Variants in SUPT7L observed in about 807,000 individuals in gnomAD.
SUPT7L encodes SPT7 like, STAGA complex subunit gamma, also known as STAGA complex 65 subunit gamma.
A neutral mutation model predicts 35.7 loss-of-function variants in SUPT7L; 15 were observed. The observed-to-expected ratio is 0.42, with a 90% confidence interval of 0.28 to 0.65. SUPT7L has a LOEUF of 0.65. Ranked by LOEUF, SUPT7L falls within the 30% of genes least tolerant of loss-of-function variation. The pLI, the probability that SUPT7L is intolerant of heterozygous loss-of-function variation, is 0.23. For synonymous variants in SUPT7L, 168 were observed against 186.2 expected (o/e 0.90, Z 0.79); for missense variants, 434 against 522.2 (o/e 0.83, Z 1.65).
the SUPT7L span, among the ~76,000 whole-genome samples, chr2:27,645,333 A>G: frequency 1.6e-4 from 25 of 152,026 alleles, no homozygotes; most frequent in South Asian, 4.8e-3. Flanking sequence ...TGCCTGTACC[A>G]TGTTGTTTTA....
chr2:27,642,884 A>G, the SUPT7L span, among the ~76,000 whole-genome samples: 1 of 150,914 alleles, frequency 6.6e-6, no homozygotes, highest in Non-Finnish European at 1.5e-5. Context: ...TATTTCTATC[A>G]GCAGGATTCT....
downstream of SUPT7L, among the ~76,000 whole-genome samples, chr2:27,649,678 C>A (rs1054648175): frequency 6.6e-5 from 10 of 152,040 alleles, no homozygotes; most frequent in African/African-American, 2.4e-4. Context: ...TGTAGTCTCT[C>A]CATGTTGTTG....
chr2:27,662,403 A>G, intron 1 of SUPT7L, 122 bp from the exon 2 acceptor site: 1 of 543,178 alleles, frequency 1.8e-6, no homozygotes, highest in Non-Finnish European at 3.3e-6. Flanking sequence ...GGGTGAAATG[A>G]CTACCTTTGT....
At chr2:27,655,135 G>C (rs916422129) in intron 5 of SUPT7L, among the ~76,000 whole-genome samples, 1 of 152,154 alleles carries the variant, frequency 6.6e-6, no homozygotes, top group Non-Finnish European at 1.5e-5. Context: ...ATCTTAACTA[G>C]GGATTATTTT....
rs778865342 is a variant in SUPT7L, at chr2:27,657,582, C to T, written c.507G>A (p.Ala169=). The T allele has an allele frequency of 1.4e-5, 23 of 1,614,224 alleles. No individual in the cohort carries two copies. Among genetic ancestry groups the T allele is most frequent in the South Asian group, 5.5e-5 (5 of 91,088 alleles). The change falls in exon 4 of 6, where the codon GCG becomes GCA. Residue 169 remains alanine, a synonymous_variant. Coordinates refer to ENST00000337768, the MANE Select transcript of SUPT7L (RefSeq NM_014860.3). The surrounding 1 kb of genome is among the most constrained non-coding windows in gnomAD (Gnocchi z 5.2). The stretch of plus-strand genomic sequence containing the variant: ...CACTCTCATTAGCACAGTCAAAGCC[C>T]GCGTGGGCCAGGATTGTGGCCACTG... ...YQAVATILAH[A]GFDCANESVL... is the part of the protein sequence containing the mutation.
chr2:27,663,166 G>C (rs1004414307), intron 1 of SUPT7L, among the ~76,000 whole-genome samples, 163 bp downstream of exon 1: 2 of 152,110 alleles, frequency 1.3e-5, no homozygotes, highest in Non-Finnish European at 2.9e-5. Flanking sequence ...AGTGAGGGCT[G>C]AGGCCTAGTG....
the SUPT7L span, among the ~76,000 whole-genome samples, chr2:27,644,807 C>A: frequency 2.0e-5 from 3 of 147,362 alleles, no homozygotes; most frequent in Non-Finnish European, 3.0e-5. Context: ...TCTCAGCCTG[C>A]CAACTAGTTT....
At chr2:27,649,265 AAAC>A (rs1344834828), downstream of SUPT7L, among the ~76,000 whole-genome samples, 33 of 117,874 alleles carry the variant, frequency 2.8e-4, no homozygotes, top group Admixed American at 7.2e-4. Context: ...ACAAACAAAC[AAAC>A]AAAAAAACAC....
At chr2:27,661,698 T>C in intron 2 of SUPT7L, 1 of 1,110,642 alleles carries the variant, frequency 9.0e-7, no homozygotes, top group Non-Finnish European at 1.2e-6. Context: ...ATTTGGGTCA[T>C]TAGTGGACCA....
Position 27,661,042 on chromosome 2 carries a change from T to C in SUPT7L, c.361A>G (p.Lys121Glu), listed in dbSNP as rs779408618. Residue 121 changes from lysine to glutamate, a missense_variant, in exon 3 of 6, where the codon AAG (lysine) becomes GAG (glutamate). This residue lies in a region of SUPT7L where 198 missense variants were observed against 190.8 expected (regional missense o/e 1.04). Coordinates refer to ENST00000337768, the MANE Select transcript of SUPT7L (RefSeq NM_014860.3). ...LPDDLLPLDC[K>E]NPNAPFQIRH... ...ATCTGGAATGGTGCATTGGGATTCT[T>C]ACAATCTAAAGGCAGGAGGTCATCA... 1 of 1,614,186 alleles carries C rather than the reference T, an allele frequency of 6.2e-7. No individual in the cohort carries two copies. The highest frequency in any genetic ancestry group is 8.5e-7 in the Non-Finnish European group (1 of 1,180,026).
At chr2:27,659,577 A>C (rs1418886705) in intron 3 of SUPT7L, among the ~76,000 whole-genome samples, 1 of 152,234 alleles carries the variant, frequency 6.6e-6, no homozygotes, top group Admixed American at 6.5e-5. Context: ...GATATTTTGT[A>C]AATATACTTA....
intron 3 of SUPT7L, among the ~76,000 whole-genome samples, chr2:27,659,797 ATGTT>A (rs566734785): frequency 1.7e-4 from 26 of 152,276 alleles, no homozygotes; most frequent in South Asian, 4.1e-4. Flanking sequence ...GCATATATGT[ATGTT>A]TGTATATGTG....
downstream of SUPT7L, among the ~76,000 whole-genome samples, chr2:27,648,816 T>C (rs1302057811): frequency 6.6e-6 from 1 of 152,122 alleles, no homozygotes; most frequent in East Asian, 2.0e-4. Context: ...TTTATATTTT[T>C]AGTAGAGACG....
intron 3 of SUPT7L, among the ~76,000 whole-genome samples, chr2:27,658,447 GA>G (rs1303919906): frequency 6.6e-6 from 1 of 151,828 alleles, no homozygotes; most frequent in Non-Finnish European, 1.5e-5. Flanking sequence ...AATTTTCCAA[GA>G]AAAAAATTAA....
rs1375536672 is a variant in SUPT7L at position 27,652,869 on chromosome 2, TAG to T, written c.*614_*615del. 6.5e-6 allele frequency: 1 copy of T among 153,178 alleles called. No individual in the cohort carries two copies. Among genetic ancestry groups the T allele is most frequent in the Non-Finnish European group, 1.5e-5 (1 of 68,594 alleles). 9.5% of individuals were successfully genotyped at this position (153,178 alleles called of 1,614,324 possible). A position where few individuals can be genotyped will look rare whatever the true frequency, so the allele number is the denominator to read the frequency against. ...TAGAGAAGAAAATAAATGGATGAGA[TAG>T]AGAGCTGTCTAAGCAAAAAAGGTGT... On this transcript the variant is annotated 3_prime_UTR_variant, in exon 6 of 6. Transcript: ENST00000337768.
Position 27,661,411 on chromosome 2 carries a change from A to G in SUPT7L, c.15-23T>C, listed in dbSNP as rs763626280. On this transcript the variant is annotated intron_variant, in intron 2 of 5. Coordinates refer to ENST00000337768, the MANE Select transcript of SUPT7L (RefSeq NM_014860.3). Reference sequence around the variant, plus strand: ...TATCTCAACATTTTGGAATAAGAAGAGAAGAGGTCTCAGGATAAATGTAGA... The same window carrying G: ...TATCTCAACATTTTGGAATAAGAAGGGAAGAGGTCTCAGGATAAATGTAGA... 3 of 1,612,932 alleles carry G rather than the reference A, an allele frequency of 1.9e-6. No homozygotes were observed. In the Admixed American group the frequency reaches 5.0e-5, roughly 27 times the overall value.
In SUPT7L at chr2:27,655,346, G is replaced by GT; in HGVS notation, c.982+18dup. On this transcript the variant is annotated intron_variant, in intron 5 of 5. Transcript: ENST00000337768. ...GGCAGATCTCCCAGAATCAAAGTGA[G>GT]TAAGTTTATTTGTCTTACTTGAAGC... The GT allele has an allele frequency of 6.6e-7, 1 of 1,517,544 alleles. No individual in the cohort carries two copies. The highest frequency in any genetic ancestry group is 8.8e-7 in the Non-Finnish European group (1 of 1,133,536). 94.0% of individuals were successfully genotyped at this position (1,517,544 alleles called of 1,614,324 possible). A position where few individuals can be genotyped will look rare whatever the true frequency, so the allele number is the denominator to read the frequency against.
In SUPT7L at chr2:27,660,492, G is replaced by A. The variant is rs145445689; in HGVS notation, c.419+492C>T. Among the ~76,000 whole-genome samples the A allele has an allele frequency of 6.8e-3, 1,034 of 152,184 alleles. 17 individuals carry two copies. Among genetic ancestry groups the A allele is most frequent in the African/African-American group, 0.024 (980 of 41,534 alleles). The stretch of plus-strand genomic sequence containing the variant: ...ACCCACCGTGGCTTCCCAAAGTCTT[G>A]GGGTTACAGGCATGAACCACTGTGC... On this transcript the variant is annotated intron_variant, in intron 3 of 5. Coordinates refer to ENST00000337768, the MANE Select transcript of SUPT7L (RefSeq NM_014860.3).
chr2:27,660,012 T>A (rs961927436), intron 3 of SUPT7L, among the ~76,000 whole-genome samples: 3 of 152,136 alleles, frequency 2.0e-5, no homozygotes, highest in African/African-American at 7.2e-5. Context: ...AGCTCTAGGT[T>A]ATAAGGCAGT....
Sources: gnomAD v4.1 joint callset for allele counts (sites outside exome capture counted in the v4.1 genomes callset) on GRCh38, gnomAD v4.1.1 for gene constraint, gnomAD v4.1.1 regional missense constraint, Gnocchi (gnomAD v3.1) non-coding constraint, MANE v1.5 for transcripts, NCBI Gene and HGNC (gene_info 2026-07-23, HGNC 2026-07-21) for gene names.